ADRA1A: variants seen among roughly 807,000 people sequenced by gnomAD.
ADRA1A encodes adrenoceptor alpha 1A.
A neutral mutation model predicts 29.6 loss-of-function variants in ADRA1A; 31 were observed. That is an observed-to-expected ratio of 1.05 (90% CI 0.79 to 1.41). The LOEUF (loss-of-function observed/expected upper bound fraction) is 1.41, where lower values mean the gene tolerates loss of function less well. Ranked by LOEUF, ADRA1A falls within the 40% of genes most tolerant of loss-of-function variation. ADRA1A has a pLI of 0.00. For missense variants in ADRA1A, 619 were observed against 601.1 expected (o/e 1.03, Z -0.31); for synonymous variants, 311 against 254.3 (o/e 1.22, Z -2.12).
intron 2 of ADRA1A, among the ~76,000 whole-genome samples, chr8:26,816,067 T>TC (rs371387977): frequency 2.8e-4 from 42 of 152,282 alleles, no homozygotes; most frequent in African/African-American, 9.4e-4. Flanking sequence ...AAACAGTGCC[T>TC]CACAGCAGCA....
At chr8:26,816,533 A>ATGTGTGTGTGTGTG (rs59536491) in intron 2 of ADRA1A, among the ~76,000 whole-genome samples, 14 of 147,594 alleles carry the variant, frequency 9.5e-5, no homozygotes, top group South Asian at 6.5e-4. Flanking sequence ...CTCATGGTGT[A>ATGTGTGTGTGTGTG]TGTGTGTGTG....
chr8:26,755,277 A>T (rs1051792068), downstream of ADRA1A, among the ~76,000 whole-genome samples: 1 of 152,002 alleles, frequency 6.6e-6, no homozygotes, highest in Non-Finnish European at 1.5e-5. Flanking sequence ...CAACTGGGAA[A>T]CCAAGGCTTT....
downstream of ADRA1A, among the ~76,000 whole-genome samples, chr8:26,762,256 C>A (rs949685571): frequency 6.6e-6 from 1 of 152,116 alleles, no homozygotes; most frequent in African/African-American, 2.4e-5. This position sits in a 1 kb window ranked among gnomAD's most constrained non-coding sequence, Gnocchi z 4.0. Flanking sequence ...TGTGGCTGCA[C>A]GTTGTTTGTA....
chr8:26,798,446 C>A (rs1316133833), intron 2 of ADRA1A, among the ~76,000 whole-genome samples: 1 of 152,200 alleles, frequency 6.6e-6, no homozygotes, highest in African/African-American at 2.4e-5. Context: ...ATACTTATCC[C>A]TTTGCTTACA....
chr8:26,781,686 G>A (rs953661509), intron 2 of ADRA1A, among the ~76,000 whole-genome samples: 6 of 152,196 alleles, frequency 3.9e-5, no homozygotes, highest in Admixed American at 3.9e-4. Context: ...TAGGGTCCTG[G>A]AAGAAGGGTT....
chr8:26,827,707 A>G (rs1232818558), intron 2 of ADRA1A, among the ~76,000 whole-genome samples: 1 of 151,602 alleles, frequency 6.6e-6, no homozygotes, highest in Non-Finnish European at 1.5e-5. Flanking sequence ...GGCTTTTTCC[A>G]TAAAGACACG....
chr8:26,756,530 T>C, exon 3 of ADRA1A: 2 of 1,536,792 alleles, frequency 1.3e-6, no homozygotes, highest in Non-Finnish European at 1.7e-6. Context: ...TCCCTTTGCA[T>C]TCATGATCAT....
At chr8:26,753,109 G>A (rs970632370), downstream of ADRA1A, among the ~76,000 whole-genome samples, 6 of 152,198 alleles carry the variant, frequency 3.9e-5, no homozygotes, top group Non-Finnish European at 5.9e-5. Flanking sequence ...GAGTGGGGCC[G>A]AAAGGGTAGC....
At chr8:26,776,277 A>T (rs151118385) in intron 2 of ADRA1A, among the ~76,000 whole-genome samples, 9 of 152,332 alleles carry the variant, frequency 5.9e-5, no homozygotes, top group Admixed American at 2.0e-4. Context: ...TTTCTCTCAG[A>T]ATGAGGGTGA....
At chr8:26,759,093 G>A (rs191716865) in intron 2 of ADRA1A, among the ~76,000 whole-genome samples, 66 of 152,296 alleles carry the variant, frequency 4.3e-4, no homozygotes, top group African/African-American at 1.2e-3. Context: ...TGTTAATACT[G>A]GAGAGTGAAT....
chr8:26,774,633 A>G (rs928974309), intron 2 of ADRA1A, among the ~76,000 whole-genome samples: 4 of 151,906 alleles, frequency 2.6e-5, no homozygotes, highest in African/African-American at 4.8e-5. Context: ...GCACCACTGC[A>G]GTCCAGCATG....
At chr8:26,862,688 C>T (rs181657945) in intron 2 of ADRA1A, among the ~76,000 whole-genome samples, 57 of 152,294 alleles carry the variant, frequency 3.7e-4, no homozygotes, top group Non-Finnish European at 7.6e-4. Flanking sequence ...TTAAGGAGGG[C>T]CTCTCTGGCA....
intron 2 of ADRA1A, among the ~76,000 whole-genome samples, chr8:26,778,064 A>G (rs1806680691): frequency 6.6e-6 from 1 of 152,246 alleles, no homozygotes; most frequent in African/African-American, 2.4e-5. Context: ...GAGAGCTCTG[A>G]GGAATCAGGA....
downstream of ADRA1A, among the ~76,000 whole-genome samples, chr8:26,755,306 A>C (rs1225378268): frequency 6.6e-6 from 1 of 152,106 alleles, no homozygotes; most frequent in African/African-American, 2.4e-5. Flanking sequence ...CAGCCAAGCC[A>C]AACATGGTCA....
intron 2 of ADRA1A, among the ~76,000 whole-genome samples, chr8:26,819,104 A>G (rs1393488270): frequency 2.0e-5 from 3 of 152,188 alleles, no homozygotes; most frequent in African/African-American, 7.2e-5. Context: ...GAAAAGCAGG[A>G]AAATTCCATG....
chr8:26,771,060 A>T (rs1806106704), intron 2 of ADRA1A, among the ~76,000 whole-genome samples: 1 of 152,226 alleles, frequency 6.6e-6, no homozygotes. Flanking sequence ...AAATTCGGTT[A>T]TCTGAACATG....
intron 2 of ADRA1A, among the ~76,000 whole-genome samples, chr8:26,850,235 A>T (rs1431971737): frequency 1.3e-5 from 2 of 152,096 alleles, no homozygotes; most frequent in East Asian, 3.8e-4. Context: ...TAGAGAAAAA[A>T]ATTTTATAAA....
At position 26,865,220 on chromosome 8, in the gene ADRA1A, C is replaced by T. The variant is rs1303271832; in HGVS notation, c.-251G>A. The stretch of plus-strand genomic sequence containing the variant: ...CAGGGGCGCGCGGGGCTGCCGGGGA[C>T]CCTCTCCACCTGCCGGGCTGGCCTA... On this transcript the variant is annotated 5_prime_UTR_variant, in exon 2 of 3. Transcript: ENST00000380573. The surrounding 1 kb of genome is among the most constrained non-coding windows in gnomAD (Gnocchi z 7.6). The T allele has an allele frequency of 2.2e-5, 30 of 1,341,910 alleles. No homozygotes were observed. Among genetic ancestry groups the T allele is most frequent in the Non-Finnish European group, 2.9e-5 (30 of 1,048,498 alleles). The allele number at this position is 1,341,910 out of a possible 1,614,324, so 83.1% of individuals were successfully genotyped here. A position where few individuals can be genotyped will look rare whatever the true frequency, so the allele number is the denominator to read the frequency against.
intron 2 of ADRA1A, among the ~76,000 whole-genome samples, chr8:26,822,206 A>T (rs1038594990): frequency 5.3e-5 from 8 of 152,164 alleles, no homozygotes; most frequent in Non-Finnish European, 1.0e-4. Context: ...GAGAGAGAAA[A>T]CTGTGGAGCC....
Sources: gnomAD v4.1 joint callset for allele counts (sites outside exome capture counted in the v4.1 genomes callset) on GRCh38, gnomAD v4.1.1 for gene constraint, Gnocchi (gnomAD v3.1) non-coding constraint, MANE v1.5 for transcripts, NCBI Gene and HGNC (gene_info 2026-07-23, HGNC 2026-07-21) for gene names.